Variants in PTGR1 observed in about 807,000 individuals in gnomAD.
The protein encoded by PTGR1 is prostaglandin reductase 1.
A neutral mutation model predicts 37.7 loss-of-function variants in PTGR1; 23 were observed. The ratio of observed to expected loss-of-function variants is 0.61; its 90% CI spans 0.44 to 0.86. The LOEUF is 0.86. Ranked by LOEUF, PTGR1 falls within the 40% of genes least tolerant of loss-of-function variation. The pLI is 0.00. For missense variants in PTGR1, 351 were observed against 394.3 expected (o/e 0.89, Z 0.93); for synonymous variants, 134 against 140.0 (o/e 0.96, Z 0.30).
In PTGR1 at chr9:111,582,581, G is replaced by A. The variant is rs374838954; in HGVS notation, c.495+891C>T. Among the ~76,000 whole-genome samples, 21 of 152,294 alleles carry A rather than the reference G, an allele frequency of 1.4e-4. No individual in the cohort carries two copies. The East Asian group carries it at 1.5e-3, about 11-fold the overall frequency. On this transcript the variant is annotated intron_variant, in intron 6 of 9. Coordinates refer to ENST00000407693, the MANE Select transcript of PTGR1 (RefSeq NM_001146108.2). ...TATTCTGCAAATGTCAGAATGGTTC[G>A]ACATTGGAAAACTAATGTAATTCAT... is the stretch of plus-strand genomic sequence containing the variant.
downstream of PTGR1, among the ~76,000 whole-genome samples, chr9:111,561,106 T>TAGAGAGAGAGAGAGAG (rs1240649497): frequency 3.5e-4 from 8 of 23,176 alleles, no homozygotes; most frequent in African/African-American, 1.1e-3. Context: ...TATATATATA[T>TAGAGAGAGAGAGAGAG]ATATAGAGAG....
At chr9:111,558,362 A>G (rs911416478), downstream of PTGR1, among the ~76,000 whole-genome samples, 3 of 151,902 alleles carry the variant, frequency 2.0e-5, no homozygotes, top group Non-Finnish European at 4.4e-5. Context: ...TTATTCTTTG[A>G]GCACTTCTTT....
At chr9:111,583,929 A>C (rs1318667914) in intron 5 of PTGR1, among the ~76,000 whole-genome samples, 2 of 152,168 alleles carry the variant, frequency 1.3e-5, no homozygotes, top group Non-Finnish European at 2.9e-5. Flanking sequence ...TTCCCATATA[A>C]GTTCTATGTA....
At chr9:111,564,608 G>A (rs1159768713) in intron 9 of PTGR1, among the ~76,000 whole-genome samples, 4 of 151,848 alleles carry the variant, frequency 2.6e-5, no homozygotes, top group Non-Finnish European at 5.9e-5. Flanking sequence ...GCCTGGCTGA[G>A]ATTTGAACTT....
chr9:111,551,400 G>GTTTTTTTTTTT (rs58638722), intron 9 of PTGR1, among the ~76,000 whole-genome samples: 5 of 74,436 alleles, frequency 6.7e-5, no homozygotes, highest in South Asian at 6.0e-4. Context: ...TCCAGTTTTT[G>GTTTTTTTTTTT]TTTTTTTTTT....
chr9:111,556,494 A>G (rs1451133211), intron 9 of PTGR1, among the ~76,000 whole-genome samples: 1 of 152,252 alleles, frequency 6.6e-6, no homozygotes, highest in East Asian at 1.9e-4. Flanking sequence ...CCTGCAGCAG[A>G]CTTCTGCCTT....
downstream of PTGR1, among the ~76,000 whole-genome samples, chr9:111,560,133 G>A (rs1828231163): frequency 6.6e-6 from 1 of 151,812 alleles, no homozygotes; most frequent in Non-Finnish European, 1.5e-5. Context: ...ATCACCTGAG[G>A]TCAGGAGGTC....
chr9:111,597,139 C>T (rs1829804722), intron 2 of PTGR1, among the ~76,000 whole-genome samples, 178 bp downstream of exon 2: 1 of 152,096 alleles, frequency 6.6e-6, no homozygotes, highest in East Asian at 1.9e-4. Flanking sequence ...CCATTTACCC[C>T]AGATGAGACC....
At chr9:111,595,759 A>G (rs1829761925) in intron 2 of PTGR1, among the ~76,000 whole-genome samples, 1 of 151,914 alleles carries the variant, frequency 6.6e-6, no homozygotes, top group Admixed American at 6.6e-5. Flanking sequence ...TCAGCCTCCC[A>G]AATAGCTGGG....
At chr9:111,570,670 T>C (rs1828778806) in intron 8 of PTGR1, among the ~76,000 whole-genome samples, 2 of 151,424 alleles carry the variant, frequency 1.3e-5, no homozygotes, top group South Asian at 4.2e-4. Flanking sequence ...TCCCAGCTAC[T>C]TGGGAGGCTG....
chr9:111,585,291 C>A (rs1281351475), intron 5 of PTGR1, among the ~76,000 whole-genome samples: 1 of 152,108 alleles, frequency 6.6e-6, no homozygotes, highest in Non-Finnish European at 1.5e-5. Flanking sequence ...TAATATATTA[C>A]AAATTACCTT....
At chr9:111,597,689 G>A (rs1180169196) in intron 1 of PTGR1, among the ~76,000 whole-genome samples, 2 of 152,164 alleles carry the variant, frequency 1.3e-5, no homozygotes, top group Admixed American at 6.6e-5. Context: ...TACGGATGAG[G>A]AAACTGAGGT....
chr9:111,599,348 C>T lies in PTGR1; in HGVS notation c.-11+255G>A, dbSNP rs561259234. ...GGGTGCAGGAAGCTACCGGGTGTCC[C>T]GGGTTGTAACCAAGCTTTCCTATTC... On this transcript the variant is annotated intron_variant, in intron 1 of 9. Transcript: ENST00000407693. The T allele has an allele frequency of 2.6e-5, 4 of 152,576 alleles. No homozygotes were observed. The East Asian group carries it at 7.7e-4, about 29-fold the overall frequency. The allele number at this position is 152,576 out of a possible 1,614,324, so 9.5% of individuals were successfully genotyped here. A position where few individuals can be genotyped will look rare whatever the true frequency, so the allele number is the denominator to read the frequency against.
chr9:111,590,257 C>T (rs1829570612), intron 4 of PTGR1, among the ~76,000 whole-genome samples: 1 of 152,130 alleles, frequency 6.6e-6, no homozygotes, highest in Non-Finnish European at 1.5e-5. Context: ...GAAATGCAAA[C>T]TAAACTAAGC....
intron 5 of PTGR1, among the ~76,000 whole-genome samples, chr9:111,584,433 T>C (rs1215654222): frequency 2.0e-5 from 3 of 152,228 alleles, no homozygotes; most frequent in African/African-American, 7.2e-5. Flanking sequence ...ACTAATTGAA[T>C]GTAAGAAGGT....
Position 111,574,720 on chromosome 9 carries a change from C to A in PTGR1, c.760+14G>T. 6.3e-7 allele frequency: 1 copy of A among 1,586,420 alleles called. No homozygotes were observed. ...GCCTTGTGACATATGGGATCGTGTG[C>A]ATGTGCTCATTACCTGGGGGAAGTG... is the stretch of plus-strand genomic sequence containing the variant. On this transcript the variant is annotated intron_variant, in intron 8 of 9. Transcript: ENST00000407693.
chr9:111,598,794 C>T (rs1485571109), intron 1 of PTGR1, among the ~76,000 whole-genome samples: 2 of 152,030 alleles, frequency 1.3e-5, no homozygotes, highest in Non-Finnish European at 2.9e-5. Flanking sequence ...CGCGCCAGGC[C>T]CTACGTATCA....
intron 9 of PTGR1, among the ~76,000 whole-genome samples, chr9:111,551,651 C>T (rs1564603150): frequency 6.6e-6 from 1 of 152,096 alleles, no homozygotes; most frequent in Non-Finnish European, 1.5e-5. Context: ...ATCTGCCTGT[C>T]TCGGCCTCCC....
At chr9:111,573,852 TGTGG>T (rs1274849014) in intron 8 of PTGR1, among the ~76,000 whole-genome samples, 1 of 152,068 alleles carries the variant, frequency 6.6e-6, no homozygotes, top group East Asian at 1.9e-4. Context: ...GCGGGAGGGA[TGTGG>T]TTTCAGCATA....
Sources: allele counts gnomAD v4.1 joint callset (sites outside exome capture counted in the v4.1 genomes callset), GRCh38; gene constraint gnomAD v4.1.1; transcripts MANE v1.5; gene names NCBI Gene and HGNC (gene_info 2026-07-23, HGNC 2026-07-21).